FHIT: variants seen among roughly 807,000 people sequenced by gnomAD.
The protein encoded by FHIT is fragile histidine triad diadenosine triphosphatase.
A neutral mutation model predicts 17.9 loss-of-function variants in FHIT; 19 were observed. That is an observed-to-expected ratio of 1.06 (90% CI 0.74 to 1.56). The LOEUF is 1.56. Ranked by LOEUF, FHIT falls within the 40% of genes most tolerant of loss-of-function variation. The pLI is 0.00. For missense variants in FHIT, 248 were observed against 189.2 expected (o/e 1.31, Z -1.82); for synonymous variants, 81 against 69.7 (o/e 1.16, Z -0.81).
At chr3:60,420,135 C>T (rs1333665619) in intron 5 of FHIT, among the ~76,000 whole-genome samples, 1 of 152,128 alleles carries the variant, frequency 6.6e-6, no homozygotes, top group Non-Finnish European at 1.5e-5. Flanking sequence ...GAATACCTTT[C>T]ATTGTGCGTA....
chr3:60,550,015 G>A (rs1011519116), intron 4 of FHIT, among the ~76,000 whole-genome samples: 2 of 152,116 alleles, frequency 1.3e-5, no homozygotes, highest in Admixed American at 6.6e-5. Context: ...CTACCAACTG[G>A]AGAGTAGGTT....
chr3:60,274,968 C>G (rs1224155322), intron 5 of FHIT, among the ~76,000 whole-genome samples: 2 of 152,124 alleles, frequency 1.3e-5, no homozygotes, highest in Non-Finnish European at 2.9e-5. Flanking sequence ...ACAAAATAAA[C>G]TTCCCCACAT....
At chr3:60,382,397 G>A (rs79666684) in intron 5 of FHIT, among the ~76,000 whole-genome samples, 1 of 152,154 alleles carries the variant, frequency 6.6e-6, no homozygotes, top group Non-Finnish European at 1.5e-5. Flanking sequence ...CATGAGCGAA[G>A]TGTTTTTCTT....
chr3:60,727,353 A>G (rs1379212686), intron 4 of FHIT, among the ~76,000 whole-genome samples: 5 of 152,182 alleles, frequency 3.3e-5, no homozygotes, highest in Admixed American at 3.3e-4. Context: ...TCGAAATGTT[A>G]ATACACTTTT....
intron 4 of FHIT, among the ~76,000 whole-genome samples, chr3:60,747,682 C>A (rs1203128152): frequency 2.0e-5 from 3 of 152,150 alleles, no homozygotes; most frequent in Admixed American, 6.5e-5. Context: ...GTGACAGGAG[C>A]AACAGAATCA....
chr3:61,143,319 G>C (rs1328839402), intron 2 of FHIT, among the ~76,000 whole-genome samples: 1 of 152,166 alleles, frequency 6.6e-6, no homozygotes, highest in African/African-American at 2.4e-5. Context: ...TTTATGTATA[G>C]TGTATGTTTA....
intron 5 of FHIT, among the ~76,000 whole-genome samples, chr3:60,213,010 AAG>A (rs1198747457): frequency 6.6e-6 from 1 of 152,162 alleles, no homozygotes; most frequent in Non-Finnish European, 1.5e-5. Flanking sequence ...AAAGAAAAGC[AAG>A]AGAGGGATCT....
At chr3:59,921,005 C>T (rs191065544) in intron 8 of FHIT, among the ~76,000 whole-genome samples, 3 of 152,260 alleles carry the variant, frequency 2.0e-5, no homozygotes, top group African/African-American at 7.2e-5. Flanking sequence ...TCTCCAGCGA[C>T]GGGACCTCCT....
chr3:60,129,766 G>A (rs1699454658), intron 5 of FHIT, among the ~76,000 whole-genome samples: 1 of 152,024 alleles, frequency 6.6e-6, no homozygotes, highest in African/African-American at 2.4e-5. Flanking sequence ...TCAGATTAAT[G>A]TACAGCCCAT....
intron 5 of FHIT, among the ~76,000 whole-genome samples, chr3:60,433,194 T>C (rs766345979): frequency 6.6e-6 from 1 of 152,094 alleles, no homozygotes; most frequent in African/African-American, 2.4e-5. Context: ...CTGGTTAATA[T>C]CATCTGACAT....
chr3:60,558,269 T>C (rs889099249), intron 4 of FHIT, among the ~76,000 whole-genome samples: 22 of 152,056 alleles, frequency 1.4e-4, no homozygotes, highest in Admixed American at 2.0e-4. Context: ...CCCTGACCCA[T>C]GTCCCTGACT....
intron 3 of FHIT, among the ~76,000 whole-genome samples, chr3:61,007,759 G>A (rs1204032620): frequency 1.3e-5 from 2 of 152,134 alleles, no homozygotes; most frequent in African/African-American, 4.8e-5. Flanking sequence ...TTACCAGTTT[G>A]GTGTCCCATT....
At chr3:60,814,095 C>T (rs1294669884) in intron 4 of FHIT, among the ~76,000 whole-genome samples, 1 of 151,848 alleles carries the variant, frequency 6.6e-6, no homozygotes, top group African/African-American at 2.4e-5. Context: ...TTTCTTTGCC[C>T]ACAAAACTTA....
chr3:60,723,670 C>A (rs940083937), intron 4 of FHIT, among the ~76,000 whole-genome samples: 1 of 152,196 alleles, frequency 6.6e-6, no homozygotes, highest in African/African-American at 2.4e-5. Flanking sequence ...CACCATGCAC[C>A]TTTTCCCTAT....
chr3:59,775,952 C>T (rs780364), intron 8 of FHIT, among the ~76,000 whole-genome samples: 147,968 of 152,320 alleles, frequency 0.97, 72,016 homozygotes, highest in Middle Eastern at 1. Context: ...CCCATTAAAG[C>T]CTTTTTTGAT....
chr3:60,954,566 A>G (rs530767475), intron 3 of FHIT, among the ~76,000 whole-genome samples: 1 of 152,342 alleles, frequency 6.6e-6, no homozygotes, highest in East Asian at 1.9e-4. Context: ...GAGCTCAATA[A>G]TGATAGTAAA....
chr3:61,226,673 C>T (rs1024063681), intron 1 of FHIT, among the ~76,000 whole-genome samples: 14 of 152,104 alleles, frequency 9.2e-5, no homozygotes, highest in African/African-American at 2.9e-4. Flanking sequence ...ACTCAAAACA[C>T]AGACAGAGAG....
intron 5 of FHIT, among the ~76,000 whole-genome samples, chr3:60,433,439 G>T (rs2029915487): frequency 6.6e-6 from 1 of 152,062 alleles, no homozygotes; most frequent in South Asian, 2.1e-4. Flanking sequence ...CTCAGAAGTG[G>T]TATTGCTAGA....
At chr3:61,135,041 A>G (rs1359709438) in intron 2 of FHIT, among the ~76,000 whole-genome samples, 1 of 152,186 alleles carries the variant, frequency 6.6e-6, no homozygotes, top group African/African-American at 2.4e-5. Flanking sequence ...GCTGACTTGG[A>G]CAAAACTGGT....
Sources: gnomAD v4.1 joint callset for allele counts (sites outside exome capture counted in the v4.1 genomes callset) on GRCh38, gnomAD v4.1.1 for gene constraint, MANE v1.5 for transcripts, NCBI Gene and HGNC (gene_info 2026-07-23, HGNC 2026-07-21) for gene names.